Variants in ZNF469 observed in about 807,000 individuals in gnomAD.
The protein encoded by ZNF469 is zinc finger protein 469.
ZNF469 carries 1 observed loss-of-function variant against 1.0 expected under a neutral mutation model. The ratio of observed to expected loss-of-function variants is 1.00; its 90% CI spans 0.35 to 4.73. The LOEUF (loss-of-function observed/expected upper bound fraction) is 4.73, where lower values mean the gene tolerates loss of function less well. Among genes scored for constraint, ZNF469 ranks in the 30% most tolerant of loss-of-function variants. The pLI is 0.16. For synonymous variants in ZNF469, 2,703 were observed against 2,363.4 expected, an observed-to-expected ratio of 1.14 and a Z score of -4.17; for missense variants, 6,100 against 5,356.3, an observed-to-expected ratio of 1.14 and a Z score of -4.33.
the ZNF469 span, chr16:88,294,683 A>G: frequency 6.6e-6 from 1 of 152,232 alleles, no homozygotes; most frequent in Non-Finnish European, 1.5e-5. Context: ...ACGACTGGGA[A>G]GCGGCTAAAA....
Position 88,397,655 on chromosome 16 carries a change from GAGATAGAT to G in ZNF469, c.-192+14422_-192+14429del, listed in dbSNP as rs143095907. 8.4e-3 allele frequency among the ~76,000 whole-genome samples: 1,136 copies of G among 134,762 alleles called. 10 individuals are homozygous for G. The highest frequency in any genetic ancestry group is 0.03 in the African/African-American group (1,024 of 34,234). The allele number at this position is 134,762 out of a possible 152,430, so 88.4% of individuals were successfully genotyped here. On this transcript the variant is annotated intron_variant, in intron 1 of 2. Transcript: ENST00000565624. Reference sequence around the variant, plus strand: ...TGGATGGATGGATGGATATAAATAAGAGATAGATAGATAGATAGATAGATAGATGTGAT... The same window carrying G: ...TGGATGGATGGATGGATATAAATAAGAGATAGATAGATAGATAGATGTGAT...
intron 1 of ZNF469, among the ~76,000 whole-genome samples, chr16:88,389,502 A>G (rs1230194817): frequency 6.6e-6 from 1 of 152,098 alleles, no homozygotes; most frequent in Non-Finnish European, 1.5e-5. Context: ...ACCCACTGTC[A>G]TCTCTCCTGG....
At chr16:88,397,655 G>GAGATAGAT (rs143095907) in intron 1 of ZNF469, among the ~76,000 whole-genome samples, 12,861 of 134,730 alleles carry the variant, frequency 0.095, 642 homozygotes, top group Non-Finnish European at 0.11. Context: ...ATATAAATAA[G>GAGATAGAT]AGATAGATAG....
upstream of ZNF469, among the ~76,000 whole-genome samples, chr16:88,381,708 C>T (rs917733228): frequency 6.6e-6 from 1 of 152,270 alleles, no homozygotes; most frequent in African/African-American, 2.4e-5. Flanking sequence ...GCCTTTCAGC[C>T]CCTGCCCCTT....
chr16:88,172,571 G>A, the ZNF469 span, among the ~76,000 whole-genome samples: 1 of 152,160 alleles, frequency 6.6e-6, no homozygotes, highest in Non-Finnish European at 1.5e-5. Context: ...GAATTTTCAC[G>A]ATGTCTGGCA....
the ZNF469 span, among the ~76,000 whole-genome samples, chr16:88,160,165 A>G: frequency 6.6e-6 from 1 of 152,108 alleles, no homozygotes; most frequent in African/African-American, 2.4e-5. Flanking sequence ...AAATCCTGTG[A>G]TTGCGACAAG....
At chr16:88,255,090 C>T in the ZNF469 span, among the ~76,000 whole-genome samples, 1 of 152,162 alleles carries the variant, frequency 6.6e-6, no homozygotes, top group African/African-American at 2.4e-5. Context: ...GCTGTGCTCT[C>T]AAATTGCTTA....
chr16:88,301,927 G>A, the ZNF469 span, among the ~76,000 whole-genome samples: 1 of 152,220 alleles, frequency 6.6e-6, no homozygotes, highest in Admixed American at 6.5e-5. Flanking sequence ...TAGTTCACCA[G>A]CAACTGCAGG....
the ZNF469 span, among the ~76,000 whole-genome samples, chr16:88,350,237 C>G: frequency 2.0e-5 from 3 of 152,380 alleles, no homozygotes; most frequent in East Asian, 5.8e-4. Flanking sequence ...AGTGAGCAGC[C>G]TCCCACAGCA....
chr16:88,193,072 G>GA, the ZNF469 span, among the ~76,000 whole-genome samples: 1 of 108,924 alleles, frequency 9.2e-6, no homozygotes, highest in African/African-American at 3.7e-5. Flanking sequence ...GGTGATGGTG[G>GA]TGGTGGTGAT....
At chr16:88,119,547 A>G in the ZNF469 span, among the ~76,000 whole-genome samples, 2 of 152,236 alleles carry the variant, frequency 1.3e-5, no homozygotes, top group African/African-American at 4.8e-5. Flanking sequence ...CTCGCTCCAC[A>G]TGCACTGATG....
intron 1 of ZNF469, among the ~76,000 whole-genome samples, chr16:88,413,898 A>G (rs978657811): frequency 6.6e-6 from 1 of 152,196 alleles, no homozygotes. Context: ...GGCAGGTGCC[A>G]TGGAAGCAGG....
At chr16:88,208,011 A>G in the ZNF469 span, among the ~76,000 whole-genome samples, 1 of 152,140 alleles carries the variant, frequency 6.6e-6, no homozygotes, top group Non-Finnish European at 1.5e-5. Flanking sequence ...AATGTCCTGT[A>G]CTTTGTTAAA....
chr16:88,335,494 C>A, the ZNF469 span, among the ~76,000 whole-genome samples: 1 of 152,214 alleles, frequency 6.6e-6, no homozygotes, highest in African/African-American at 2.4e-5. Flanking sequence ...GGCACGGGGT[C>A]TCAGGGTGGC....
chr16:88,116,886 C>T, the ZNF469 span, among the ~76,000 whole-genome samples: 1 of 148,190 alleles, frequency 6.7e-6, no homozygotes, highest in Non-Finnish European at 1.5e-5. Flanking sequence ...ATGGTTAGTG[C>T]TTTGGTGGTG....
chr16:88,314,586 C>G, the ZNF469 span, among the ~76,000 whole-genome samples: 8 of 147,480 alleles, frequency 5.4e-5, no homozygotes, highest in Non-Finnish European at 1.0e-4. Context: ...GGCAGTGCTG[C>G]TGTGGACTGT....
the ZNF469 span, among the ~76,000 whole-genome samples, chr16:88,126,438 T>G: frequency 6.6e-6 from 1 of 151,108 alleles, no homozygotes; most frequent in Admixed American, 6.6e-5. Context: ...ACAGAGATGT[T>G]CTTTATCAGT....
At chr16:88,121,107 G>C in the ZNF469 span, among the ~76,000 whole-genome samples, 1 of 148,464 alleles carries the variant, frequency 6.7e-6, no homozygotes, top group African/African-American at 2.5e-5. Flanking sequence ...ACCATGCACG[G>C]TGGGATGGGG....
At chr16:88,202,433 G>A in the ZNF469 span, among the ~76,000 whole-genome samples, 1 of 152,126 alleles carries the variant, frequency 6.6e-6, no homozygotes, top group Non-Finnish European at 1.5e-5. Flanking sequence ...AGGTGCCCCC[G>A]TGGATAAGCT....
Sources: allele counts gnomAD v4.1 joint callset (sites outside exome capture counted in the v4.1 genomes callset), GRCh38; gene constraint gnomAD v4.1.1; transcripts MANE v1.5; gene names NCBI Gene and HGNC (gene_info 2026-07-23, HGNC 2026-07-21).